ROPN1: variants seen among roughly 807,000 people sequenced by gnomAD.
ROPN1 encodes the protein ropporin-1A.
Under a neutral mutation model 20.5 loss-of-function variants are expected in ROPN1, and 14 were observed. The ratio of observed to expected loss-of-function variants is 0.68; its 90% CI spans 0.45 to 1.07. The LOEUF (loss-of-function observed/expected upper bound fraction) is 1.07, where lower values mean the gene tolerates loss of function less well. ROPN1 is among the 50% of genes least tolerant of loss of function. ROPN1 has a pLI of 0.00. For synonymous variants in ROPN1, 76 were observed against 95.7 expected, an observed-to-expected ratio of 0.79 and a Z score of 1.20; for missense variants, 169 against 242.8, an observed-to-expected ratio of 0.70 and a Z score of 2.02.
intron 1 of ROPN1, among the ~76,000 whole-genome samples, chr3:123,989,719 C>T (rs2038355048): frequency 6.6e-6 from 1 of 152,198 alleles, no homozygotes; most frequent in Non-Finnish European, 1.5e-5. Flanking sequence ...TCTTGGGAAG[C>T]TCTATAGCAG....
In ROPN1 at chr3:123,983,281, A is replaced by G. The variant is rs186041066; in HGVS notation, c.-12-2788T>C. On this transcript the variant is annotated intron_variant, in intron 1 of 5. Transcript: ENST00000405845. ...GCTTTAAATTGTGTTGGGTATATAT[A>G]CCCAGAAGTGGAATGGATGGATCAT... Among the ~76,000 whole-genome samples the G allele has an allele frequency of 9.5e-3, 1,442 of 152,062 alleles. 9 individuals carry two copies. Among genetic ancestry groups the G allele is most frequent in the Non-Finnish European group, 0.014 (944 of 68,024 alleles).
At chr3:123,980,211 G>T (rs1403700593) in intron 2 of ROPN1, 155 bp downstream of exon 2, 14 of 695,522 alleles carry the variant, frequency 2.0e-5, no homozygotes, top group African/African-American at 7.1e-5. Flanking sequence ...TTTATGTGTG[G>T]ATTTTAAAGC....
chr3:123,991,812 G>A (rs1478568345), intron 1 of ROPN1, 110 bp downstream of exon 1: 3 of 152,466 alleles, frequency 2.0e-5, no homozygotes, highest in Middle Eastern at 3.4e-3. Context: ...TGTGAACAAG[G>A]AGAGGCTCAG....
At chr3:123,980,764 T>A in intron 1 of ROPN1, 1 of 342,934 alleles carries the variant, frequency 2.9e-6, no homozygotes, top group East Asian at 4.5e-5. Context: ...CCTAATGATA[T>A]CGCCCCAAAA....
intron 1 of ROPN1, among the ~76,000 whole-genome samples, chr3:123,988,542 T>C (rs1193532192): frequency 6.6e-6 from 1 of 152,184 alleles, no homozygotes; most frequent in East Asian, 1.9e-4. Context: ...TTCCTGATGA[T>C]ATTCAGCATT....
At chr3:123,973,616 G>C (rs760862917) in intron 4 of ROPN1, among the ~76,000 whole-genome samples, 18 of 152,276 alleles carry the variant, frequency 1.2e-4, no homozygotes, top group Middle Eastern at 3.4e-3. Context: ...GCAGAGGGAG[G>C]GTTGGAATCT....
chr3:123,982,654 C>G (rs973954056), intron 1 of ROPN1, among the ~76,000 whole-genome samples: 1 of 152,036 alleles, frequency 6.6e-6, no homozygotes, highest in Admixed American at 6.6e-5. Context: ...ACTTTTCAAC[C>G]CATTTTATCT....
chr3:123,981,050 T>A (rs2038137294), intron 1 of ROPN1, among the ~76,000 whole-genome samples: 1 of 152,178 alleles, frequency 6.6e-6, no homozygotes, highest in Non-Finnish European at 1.5e-5. Flanking sequence ...CCACTCTAAT[T>A]GTCAGGTGGA....
chr3:123,983,727 A>C (rs1467328340), intron 1 of ROPN1, among the ~76,000 whole-genome samples: 2 of 151,976 alleles, frequency 1.3e-5, no homozygotes, highest in Non-Finnish European at 2.9e-5. Context: ...AAAGTTATCA[A>C]TTATATCTAT....
intron 4 of ROPN1, among the ~76,000 whole-genome samples, chr3:123,973,636 A>AAGTC (rs1167001017): frequency 6.6e-6 from 1 of 152,202 alleles, no homozygotes; most frequent in Non-Finnish European, 1.5e-5. Flanking sequence ...TGACTTTCCA[A>AAGTC]AGTCACTCTT....
At chr3:123,989,375 T>C (rs2038347119) in intron 1 of ROPN1, among the ~76,000 whole-genome samples, 1 of 152,214 alleles carries the variant, frequency 6.6e-6, no homozygotes, top group Non-Finnish European at 1.5e-5. Context: ...TTATCAATAT[T>C]TGCCTCTCAG....
chr3:123,980,469 CTGT>C lies in ROPN1; in HGVS notation c.10_12del (p.Thr4del), dbSNP rs1324506954. ...TCCGGCGGGATGCATGTTGGCTTATCTGTCTGAGCCATTGATTGGTTGGCCTAT... is the reference window on the plus strand; with the variant it reads ...TCCGGCGGGATGCATGTTGGCTTATCCTGAGCCATTGATTGGTTGGCCTAT... On this transcript the variant is annotated inframe_deletion, in exon 2 of 6. Coordinates refer to ENST00000405845, the MANE Select transcript of ROPN1 (RefSeq NM_001317774.2). 1.2e-6 allele frequency: 2 copies of C among 1,614,148 alleles called. No homozygotes were observed. Among genetic ancestry groups the C allele is most frequent in the East Asian group, 4.5e-5 (2 of 44,882 alleles).
chr3:123,974,730 G>A (rs2037985495), intron 4 of ROPN1: 2 of 153,252 alleles, frequency 1.3e-5, no homozygotes. Flanking sequence ...AGCAATGTAA[G>A]TCCACATATA....
At chr3:123,985,234 G>T (rs1366074672) in intron 1 of ROPN1, among the ~76,000 whole-genome samples, 1 of 152,186 alleles carries the variant, frequency 6.6e-6, no homozygotes, top group Non-Finnish European at 1.5e-5. Flanking sequence ...TATAACACCT[G>T]CTGCCAGAGA....
intron 4 of ROPN1, chr3:123,974,491 T>G (rs2037978669): frequency 6.6e-6 from 1 of 152,214 alleles, no homozygotes; most frequent in Non-Finnish European, 1.5e-5. Flanking sequence ...GACTACAATA[T>G]TTCCACTAAA....
rs188632626 is a variant in ROPN1 at position 123,981,041 on chromosome 3, C to T, written c.-12-548G>A. 2.1e-3 allele frequency among the ~76,000 whole-genome samples: 313 copies of T among 152,258 alleles called. 1 individual carries two copies. Among genetic ancestry groups the T allele is most frequent in the South Asian group, 0.013 (63 of 4,822 alleles). On this transcript the variant is annotated intron_variant, in intron 1 of 5. Transcript: ENST00000405845. ...CTCTTTACAGCTGCATGTTCTTTTC[C>T]ACTCTAATTGTCAGGTGGAAAATTC...
At chr3:123,977,378 A>G (rs1373613750) in intron 2 of ROPN1, among the ~76,000 whole-genome samples, 1 of 152,206 alleles carries the variant, frequency 6.6e-6, no homozygotes, top group Non-Finnish European at 1.5e-5. Context: ...CTAAAAAGTA[A>G]TGTACGTAAG....
intron 4 of ROPN1, chr3:123,975,047 A>G (rs1264459018): frequency 7.0e-5 from 28 of 401,986 alleles, no homozygotes; most frequent in Non-Finnish European, 1.2e-4. Context: ...GTCTTTTTCT[A>G]CAGTCGGCTC....
intron 1 of ROPN1, among the ~76,000 whole-genome samples, chr3:123,983,492 A>G (rs568305652): frequency 6.6e-6 from 1 of 152,370 alleles, no homozygotes; most frequent in African/African-American, 2.4e-5. Flanking sequence ...GGAAGCTTCC[A>G]TGACAACAGT....
Sources: gnomAD v4.1 joint callset for allele counts (sites outside exome capture counted in the v4.1 genomes callset) on GRCh38, gnomAD v4.1.1 for gene constraint, MANE v1.5 for transcripts, NCBI Gene and HGNC (gene_info 2026-07-23, HGNC 2026-07-21) for gene names.